ABCA9: variants seen among roughly 807,000 people sequenced by gnomAD.
ABCA9 encodes ATP binding cassette subfamily A member 9, also known as ATP-binding cassette sub-family A member 9.
A neutral mutation model predicts 205.3 loss-of-function variants in ABCA9; 183 were observed. The observed-to-expected ratio is 0.89, with a 90% CI of 0.79 to 1.01. ABCA9 has a LOEUF of 1.01. ABCA9 is among the 50% of genes least tolerant of loss of function. ABCA9 has a pLI of 0.00. For missense variants in ABCA9, 1,805 were observed against 1,912.4 expected (o/e 0.94, Z 1.05); for synonymous variants, 651 against 683.3 (o/e 0.95, Z 0.74).
At chr17:69,056,516 T>A (rs1460192054) in intron 1 of ABCA9, among the ~76,000 whole-genome samples, 1 of 152,164 alleles carries the variant, frequency 6.6e-6, no homozygotes, top group East Asian at 1.9e-4. Context: ...GATTTAATAA[T>A]CAATAATCTT....
intron 6 of ABCA9, 110 bp downstream of exon 6, chr17:69,043,379 C>G (rs925181205): frequency 2.8e-5 from 22 of 796,912 alleles, no homozygotes; most frequent in Non-Finnish European, 4.0e-5. Context: ...TGGCCATGGA[C>G]CAGTAGCAGT....
chr17:68,976,637 C>T (rs1391375162), intron 37 of ABCA9, among the ~76,000 whole-genome samples: 2 of 152,204 alleles, frequency 1.3e-5, no homozygotes, highest in African/African-American at 2.4e-5. Context: ...CTCCCTGACA[C>T]CAAGTGTGTG....
At position 69,043,732 on chromosome 17, in the gene ABCA9, A is replaced by G. The variant is rs1000954874; in HGVS notation, c.574-17T>C. 10 of 1,558,776 alleles carry G rather than the reference A, an allele frequency of 6.4e-6. No individual in the cohort carries two copies. Among genetic ancestry groups the G allele is most frequent in the African/African-American group, 1.4e-5 (1 of 72,614 alleles). On this transcript the variant is annotated splice_polypyrimidine_tract_variant and intron_variant, in intron 5 of 38. Coordinates refer to ENST00000340001, the MANE Select transcript of ABCA9 (RefSeq NM_080283.4). ...TGTTGCGATCTGAAGAAAGATATCA[A>G]TGAACAAATTGTTATCATCAATCTA...
chr17:68,976,139 T>C lies in ABCA9; in HGVS notation c.4772A>G (p.Glu1591Gly), dbSNP rs1598319041. The change falls in exon 38 of 39, where the codon GAG becomes GGG. Residue 1591 changes from glutamate to glycine, a missense_variant. Physicochemically the swap from Glu to Gly is moderately conservative, Grantham distance 98. Coordinates refer to ENST00000340001, the MANE Select transcript of ABCA9 (RefSeq NM_080283.4). ...GAATCACTAAAAATGACCCACCTGC[T>C]CCAGGGTAGACTGTGAGAGGCTGTA... ...EEYSLSQSTL[E>G]QVFLELSKEQ... is the part of the protein sequence containing the mutation. 6.2e-7 allele frequency: 1 copy of C among 1,613,990 alleles called. No individual in the cohort carries two copies. Among genetic ancestry groups the C allele is most frequent in the Non-Finnish European group, 8.5e-7 (1 of 1,179,842 alleles).
At chr17:68,995,604 A>C (rs1031103609) in intron 26 of ABCA9, among the ~76,000 whole-genome samples, 1 of 152,158 alleles carries the variant, frequency 6.6e-6, no homozygotes, top group Non-Finnish European at 1.5e-5. Flanking sequence ...AACTTAACAA[A>C]AAAGGGGCAT....
chr17:69,060,489 C>A (rs1416763892), intron 1 of ABCA9, among the ~76,000 whole-genome samples: 2 of 151,950 alleles, frequency 1.3e-5, no homozygotes, highest in Non-Finnish European at 2.9e-5. Context: ...ATGCATCCTG[C>A]AATGCTTACA....
chr17:69,025,624 T>A (rs1375359219), intron 16 of ABCA9, among the ~76,000 whole-genome samples: 1 of 152,182 alleles, frequency 6.6e-6, no homozygotes, highest in African/African-American at 2.4e-5. Context: ...GATTAGCCAC[T>A]TTGAGTAAAA....
chr17:69,029,020 T>G (rs960730006), intron 11 of ABCA9, 149 bp downstream of exon 11: 80 of 316,080 alleles, frequency 2.5e-4, no homozygotes, highest in Non-Finnish European at 3.7e-4. Context: ...GTTTTATGGG[T>G]TTTTTTTTTA....
chr17:68,979,142 A>T (rs1029603281), intron 37 of ABCA9, among the ~76,000 whole-genome samples: 3 of 152,192 alleles, frequency 2.0e-5, no homozygotes, highest in African/African-American at 7.2e-5. Flanking sequence ...ATACACCAAT[A>T]ACAGACAAAC....
At chr17:69,071,635 GA>G in the ABCA9 span, among the ~76,000 whole-genome samples, 1 of 152,138 alleles carries the variant, frequency 6.6e-6, no homozygotes, top group African/African-American at 2.4e-5. Flanking sequence ...CGAAGATGAG[GA>G]AAAACCAGTG....
In ABCA9 at chr17:68,989,256, T is replaced by TCTCACACACA. The variant is rs138281321; in HGVS notation, c.3956-139_3956-138insTGTGTGTGAG. On this transcript the variant is annotated intron_variant, in intron 30 of 38. Transcript: ENST00000340001. ...TTTCCCTTATTCCTCTCTCTCTCTC[T>TCTCACACACA]CACACACACACACACACACACACAC... The TCTCACACACA allele has an allele frequency of 2.3e-3, 554 of 242,992 alleles. 1 individual carries two copies. Among genetic ancestry groups the TCTCACACACA allele is most frequent in the African/African-American group, 6.5e-3 (276 of 42,574 alleles). 15.1% of individuals were successfully genotyped at this position (242,992 alleles called of 1,614,324 possible). A position where few individuals can be genotyped will look rare whatever the true frequency, so the allele number is the denominator to read the frequency against.
intron 26 of ABCA9, 111 bp downstream of exon 26, chr17:68,995,784 G>A: frequency 7.3e-7 from 1 of 1,364,532 alleles, no homozygotes; most frequent in Non-Finnish European, 1.0e-6. Flanking sequence ...CAAAGACAGA[G>A]ACTTTTAAAC....
chr17:69,072,635 C>CA, the ABCA9 span, among the ~76,000 whole-genome samples: 203 of 140,460 alleles, frequency 1.4e-3, no homozygotes, highest in African/African-American at 3.6e-3. Context: ...CCAGCCACTG[C>CA]AAAAAAAAAA....
Position 68,976,024 on chromosome 17 carries a change from G to A in ABCA9, c.4777-11C>T. ...GAGCTCCAGGAAAACCTAAAAGGAAGGAAAGAAATAAAGAGAGGAGAACAA... is the reference window on the plus strand; with the variant it reads ...GAGCTCCAGGAAAACCTAAAAGGAAAGAAAGAAATAAAGAGAGGAGAACAA... On this transcript the variant is annotated splice_polypyrimidine_tract_variant and intron_variant, in intron 38 of 38. Transcript: ENST00000340001. The A allele has an allele frequency of 6.2e-7, 1 of 1,613,090 alleles. No individual in the cohort carries two copies. Among genetic ancestry groups the A allele is most frequent in the Non-Finnish European group, 8.5e-7 (1 of 1,179,302 alleles).
intron 27 of ABCA9, chr17:68,992,712 C>G (rs1016438186): frequency 4.1e-6 from 1 of 244,620 alleles, no homozygotes; most frequent in East Asian, 1.0e-4. Context: ...ACTTGGGAGG[C>G]TGAGGCAGGA....
the ABCA9 span, among the ~76,000 whole-genome samples, chr17:69,069,227 T>C: frequency 2.0e-5 from 3 of 152,112 alleles, no homozygotes; most frequent in South Asian, 2.1e-4. Flanking sequence ...AACAAGTGAA[T>C]ACAGAGAATC....
intron 25 of ABCA9, among the ~76,000 whole-genome samples, chr17:69,007,213 C>T (rs1443153039): frequency 1.3e-5 from 2 of 152,016 alleles, no homozygotes; most frequent in African/African-American, 4.8e-5. Flanking sequence ...CCAGCCTGGC[C>T]AATATGGTGA....
intron 1 of ABCA9, among the ~76,000 whole-genome samples, chr17:69,055,697 A>G (rs577991095): frequency 1.3e-5 from 2 of 152,346 alleles, no homozygotes; most frequent in Admixed American, 6.5e-5. Context: ...ATTTCACTCA[A>G]TAACAGCAGG....
At chr17:69,049,157 T>C in intron 3 of ABCA9, 126 bp downstream of exon 3, 1 of 1,063,588 alleles carries the variant, frequency 9.4e-7, no homozygotes, top group Non-Finnish European at 1.3e-6. Flanking sequence ...TTGGAAGGAA[T>C]ATACGTTAAT....
Sources: gnomAD v4.1 joint callset for allele counts (sites outside exome capture counted in the v4.1 genomes callset) on GRCh38, gnomAD v4.1.1 for gene constraint, MANE v1.5 for transcripts, NCBI Gene and HGNC (gene_info 2026-07-23, HGNC 2026-07-21) for gene names.